The following MORC1 variants were observed in gnomAD, a reference collection of about 807,000 sequenced individuals.
The protein encoded by MORC1 is MORC family CW-type zinc finger 1.
MORC1 carries 59 observed loss-of-function variants against 134.9 expected under a neutral mutation model. The ratio of observed to expected loss-of-function variants is 0.44; its 90% CI spans 0.35 to 0.54. The LOEUF is 0.54. MORC1 is among the 20% of genes least tolerant of loss of function. The probability of loss-of-function intolerance (pLI) is 0.00; values close to 1 mark genes in which losing one functional copy is unlikely to be tolerated. For missense variants in MORC1, 947 were observed against 1,134.5 expected (o/e 0.83, Z 2.37); for synonymous variants, 395 against 391.7 (o/e 1.01, Z -0.10).
intron 14 of MORC1, among the ~76,000 whole-genome samples, chr3:109,050,042 G>C (rs903837978): frequency 1.3e-5 from 2 of 152,046 alleles, no homozygotes; most frequent in Non-Finnish European, 2.9e-5. Flanking sequence ...AAAAGCTTTA[G>C]GCCTATCCTC....
intron 23 of MORC1, among the ~76,000 whole-genome samples, chr3:108,983,486 T>C (rs1947809008): frequency 1.3e-5 from 2 of 152,094 alleles, no homozygotes; most frequent in African/African-American, 4.8e-5. Context: ...AGAAATGAGA[T>C]GGGCTACTTT....
chr3:109,087,027 G>A (rs377097101), intron 8 of MORC1, among the ~76,000 whole-genome samples: 25 of 152,054 alleles, frequency 1.6e-4, no homozygotes, highest in Non-Finnish European at 2.8e-4. Context: ...AAATGAGGAC[G>A]CACTTTTACA....
At chr3:109,069,525 TA>T in intron 9 of MORC1, 106 bp downstream of exon 9, 1 of 1,140,984 alleles carries the variant, frequency 8.8e-7, no homozygotes, top group Non-Finnish European at 1.2e-6. Flanking sequence ...GTTTACAATG[TA>T]AAAATCTTAC....
intron 14 of MORC1, among the ~76,000 whole-genome samples, chr3:109,052,935 C>T (rs963355425): frequency 6.6e-6 from 1 of 151,414 alleles, no homozygotes; most frequent in Admixed American, 6.6e-5. Flanking sequence ...AAAAGATAAC[C>T]CCATTAAAAA....
chr3:109,068,094 T>C (rs1950239118), intron 9 of MORC1, among the ~76,000 whole-genome samples: 1 of 152,222 alleles, frequency 6.6e-6, no homozygotes, highest in Non-Finnish European at 1.5e-5. Context: ...ACAGTGTTAC[T>C]GCAGAAATCA....
At chr3:109,025,379 CTTTTTTTTTTTTT>C (rs63701060) in intron 17 of MORC1, among the ~76,000 whole-genome samples, 3 of 105,098 alleles carry the variant, frequency 2.9e-5, no homozygotes, top group East Asian at 3.0e-4. Flanking sequence ...TTTCTTTTTT[CTTTTTTTTTTTTT>C]TTTTTTTTTT....
chr3:109,089,712 A>C (rs1472159115), intron 8 of MORC1, among the ~76,000 whole-genome samples: 1 of 152,134 alleles, frequency 6.6e-6, no homozygotes, highest in Non-Finnish European at 1.5e-5. Context: ...ACCACAACAT[A>C]AATTAGTAAA....
chr3:108,983,219 G>T (rs1947797912), intron 23 of MORC1, among the ~76,000 whole-genome samples: 1 of 151,948 alleles, frequency 6.6e-6, no homozygotes, highest in African/African-American at 2.4e-5. Context: ...GGGAAAAAAA[G>T]TTACATCACT....
chr3:109,090,221 C>T (rs1950688885), intron 8 of MORC1, among the ~76,000 whole-genome samples: 1 of 152,012 alleles, frequency 6.6e-6, no homozygotes, highest in African/African-American at 2.4e-5. Context: ...ATTCTCTTGA[C>T]GTGATTGTCA....
chr3:109,042,487 T>C (rs1167215996), intron 14 of MORC1, among the ~76,000 whole-genome samples: 1 of 152,168 alleles, frequency 6.6e-6, no homozygotes, highest in African/African-American at 2.4e-5. Flanking sequence ...GGCAAGAGTA[T>C]GAATTAGTGT....
chr3:108,996,308 A>ACACACACACACACACACACAC (rs1553745343), intron 21 of MORC1, among the ~76,000 whole-genome samples: 15 of 151,314 alleles, frequency 9.9e-5, no homozygotes, highest in African/African-American at 1.5e-4. Context: ...ACACACACAC[A>ACACACACACACACACACACAC]ACTAGAATTT....
Position 108,965,315 on chromosome 3 carries a change from T to C in MORC1, c.2605-1707A>G, listed in dbSNP as rs373095139. Reference sequence around the variant, plus strand: ...ACATTATTTGAAAAAACAATAGTATTGCTAATCAGCCATCAAAAGGAACCT... The same window carrying C: ...ACATTATTTGAAAAAACAATAGTATCGCTAATCAGCCATCAAAAGGAACCT... On this transcript the variant is annotated intron_variant, in intron 26 of 27. Coordinates refer to ENST00000232603, the MANE Select transcript of MORC1 (RefSeq NM_014429.4). 3.3e-4 allele frequency among the ~76,000 whole-genome samples: 51 copies of C among 152,276 alleles called. 1 individual carries two copies. The South Asian group carries it at 0.011, about 32-fold the overall frequency.
chr3:109,097,990 G>T (rs1017205264), intron 6 of MORC1, among the ~76,000 whole-genome samples: 7 of 152,030 alleles, frequency 4.6e-5, no homozygotes, highest in Non-Finnish European at 8.8e-5. Context: ...AATAGATAAT[G>T]CCTAGATAAA....
At chr3:109,067,960 T>G (rs1950236242) in intron 9 of MORC1, among the ~76,000 whole-genome samples, 1 of 151,788 alleles carries the variant, frequency 6.6e-6, no homozygotes, top group African/African-American at 2.4e-5. Context: ...TAATAAAGAG[T>G]TAATGTGGTA....
intron 14 of MORC1, 66 bp from the exon 15 acceptor site, chr3:109,035,534 A>T: frequency 9.3e-7 from 1 of 1,076,906 alleles, no homozygotes; most frequent in East Asian, 2.6e-5. Flanking sequence ...CAATTGGCAA[A>T]GGGAAGTTTG....
chr3:108,968,731 T>C (rs1947285206), intron 26 of MORC1, among the ~76,000 whole-genome samples: 1 of 149,840 alleles, frequency 6.7e-6, no homozygotes, highest in Non-Finnish European at 1.5e-5. Flanking sequence ...AACATAAGCA[T>C]ACAGAAGAAG....
At chr3:108,962,786 T>C (rs1320305537) in intron 27 of MORC1, among the ~76,000 whole-genome samples, 1 of 149,026 alleles carries the variant, frequency 6.7e-6, no homozygotes, top group Non-Finnish European at 1.5e-5. Flanking sequence ...GTTCAACCTA[T>C]CACATAACTC....
At chr3:109,091,359 G>A (rs1037459373) in intron 8 of MORC1, among the ~76,000 whole-genome samples, 11 of 151,716 alleles carry the variant, frequency 7.3e-5, no homozygotes, top group African/African-American at 9.7e-5. Flanking sequence ...GATGAGAATC[G>A]CTTGAACCCA....
Position 109,094,920 on chromosome 3 carries a change from T to C in MORC1, c.572A>G (p.Tyr191Cys), listed in dbSNP as rs558965386. 2.2e-5 allele frequency: 35 copies of C among 1,565,296 alleles called. No homozygotes were observed. The highest frequency in any genetic ancestry group is 1.7e-4 in the Middle Eastern group (1 of 5,902). ...AELMQQFDVI[Y>C]GKCGTLLVIY... Reference sequence around the variant, plus strand: ...TTTGATGATCTTACCACATTTTCCATAGATCACATCAAACTGCTGCATCAA... The same window carrying C: ...TTTGATGATCTTACCACATTTTCCACAGATCACATCAAACTGCTGCATCAA... Residue 191 changes from tyrosine to cysteine, a missense_variant, in exon 7 of 28, where the codon TAT becomes TGT. Tyr to Cys is a radical substitution (Grantham distance 194). Around this residue, in one of 3 missense-constraint regions of MORC1, gnomAD observed 214 missense variants for 281.3 expected, o/e 0.76. Transcript: ENST00000232603.
Sources: gnomAD v4.1 joint callset for allele counts (sites outside exome capture counted in the v4.1 genomes callset) on GRCh38, gnomAD v4.1.1 for gene constraint, gnomAD v4.1.1 regional missense constraint, MANE v1.5 for transcripts, NCBI Gene and HGNC (gene_info 2026-07-23, HGNC 2026-07-21) for gene names.